The following HPSE2 variants were observed in gnomAD, a reference collection of about 807,000 sequenced individuals.
HPSE2 encodes heparanase 2 (inactive).
HPSE2 carries 38 observed loss-of-function variants against 60.5 expected under a neutral mutation model. The observed-to-expected ratio is 0.63, with a 90% CI of 0.48 to 0.82. The LOEUF is 0.82. Ranked by LOEUF, HPSE2 falls within the 40% of genes least tolerant of loss-of-function variation. The probability of loss-of-function intolerance (pLI) is 0.00; values close to 1 mark genes in which losing one functional copy is unlikely to be tolerated. For synonymous variants in HPSE2, 295 were observed against 293.2 expected (o/e 1.01, Z -0.06); for missense variants, 713 against 740.4 (o/e 0.96, Z 0.43).
chr10:98,466,839 C>T (rs1940556412), intron 11 of HPSE2, among the ~76,000 whole-genome samples: 1 of 152,134 alleles, frequency 6.6e-6, no homozygotes, highest in South Asian at 2.1e-4. Context: ...AAACAGAAAT[C>T]TGACCATGAT....
At chr10:98,518,493 G>A (rs1942675260) in intron 9 of HPSE2, among the ~76,000 whole-genome samples, 1 of 152,022 alleles carries the variant, frequency 6.6e-6, no homozygotes, top group Non-Finnish European at 1.5e-5. Flanking sequence ...ATCACTTGAG[G>A]TCAGGAATTC....
rs190974270 is a variant in HPSE2, at chr10:98,543,232, T to A, written c.1321-53036A>T. ...AATTTCATATCCAGCCAAACTAAGC[T>A]TCATAAGTGAAGGAGAAATAAAATA... is the stretch of plus-strand genomic sequence containing the variant. On this transcript the variant is annotated intron_variant, in intron 9 of 11. Coordinates refer to ENST00000370552, the MANE Select transcript of HPSE2 (RefSeq NM_021828.5). Among the ~76,000 whole-genome samples the A allele has an allele frequency of 4.4e-3, 663 of 152,102 alleles. 8 individuals carry two copies. The highest frequency in any genetic ancestry group is 0.015 in the African/African-American group (637 of 41,482).
intron 3 of HPSE2, among the ~76,000 whole-genome samples, chr10:98,822,092 T>C (rs1951438654): frequency 6.6e-6 from 1 of 152,192 alleles, no homozygotes; most frequent in African/African-American, 2.4e-5. Context: ...CAAAATGACA[T>C]ATCAGATGAC....
At chr10:98,985,297 C>G (rs1237834468) in intron 3 of HPSE2, among the ~76,000 whole-genome samples, 3 of 152,184 alleles carry the variant, frequency 2.0e-5, no homozygotes, top group African/African-American at 4.8e-5. Flanking sequence ...GATCTCTTGG[C>G]AGAAACTCTA....
Position 98,482,632 on chromosome 10 carries a change from G to A in HPSE2, c.1613+4C>T, listed in dbSNP as rs368960562. ...TCCCGAGCTATTTTCAGGTTGGCACGTACTTGGACTTTAGGCCCTCCTGCC... is the reference window on the plus strand; with the variant it reads ...TCCCGAGCTATTTTCAGGTTGGCACATACTTGGACTTTAGGCCCTCCTGCC... On this transcript the variant is annotated splice_donor_region_variant and intron_variant, in intron 11 of 11. Coordinates refer to ENST00000370552, the MANE Select transcript of HPSE2 (RefSeq NM_021828.5). The A allele has an allele frequency of 5.0e-5, 80 of 1,613,962 alleles. No individual in the cohort carries two copies. Among genetic ancestry groups the A allele is most frequent in the South Asian group, 8.8e-5 (8 of 91,078 alleles).
At chr10:99,106,829 C>T (rs1844267525) in intron 3 of HPSE2, among the ~76,000 whole-genome samples, 1 of 152,076 alleles carries the variant, frequency 6.6e-6, no homozygotes, top group African/African-American at 2.4e-5. Context: ...AGTTAGCATT[C>T]TAGTCCTGCT....
At chr10:98,966,770 CAA>C (rs1387194403) in intron 3 of HPSE2, among the ~76,000 whole-genome samples, 1 of 152,138 alleles carries the variant, frequency 6.6e-6, no homozygotes, top group Non-Finnish European at 1.5e-5. Flanking sequence ...AAAATAGCTA[CAA>C]GAGAGAACTT....
At chr10:98,765,213 C>G (rs890715686) in intron 3 of HPSE2, among the ~76,000 whole-genome samples, 1 of 152,154 alleles carries the variant, frequency 6.6e-6, no homozygotes, top group African/African-American at 2.4e-5. Flanking sequence ...AAAGTACATT[C>G]TTTAGCAGTG....
At chr10:99,083,223 A>G (rs1278245473) in intron 3 of HPSE2, among the ~76,000 whole-genome samples, 1 of 152,208 alleles carries the variant, frequency 6.6e-6, no homozygotes, top group East Asian at 1.9e-4. Flanking sequence ...TACTAGCAGG[A>G]GGTCTTTAGA....
At position 99,048,176 on chromosome 10, in the gene HPSE2, G is replaced by T. The variant is rs9633708; in HGVS notation, c.610+96062C>A. 8.8e-6 allele frequency: 6 copies of T among 680,912 alleles called. No individual in the cohort carries two copies. The South Asian group carries it at 9.2e-5, about 10-fold the overall frequency. The allele number at this position is 680,912 out of a possible 1,614,324, so 42.2% of individuals were successfully genotyped here. ...TAACCCTTTGATTGCTTGATCTCTCGGTAAATATGGCATCATCTGCACGGA... is the reference window on the plus strand; with the variant it reads ...TAACCCTTTGATTGCTTGATCTCTCTGTAAATATGGCATCATCTGCACGGA... On this transcript the variant is annotated intron_variant, in intron 3 of 11. Coordinates refer to ENST00000370552, the MANE Select transcript of HPSE2 (RefSeq NM_021828.5).
At chr10:98,685,722 T>A (rs2134148387) in intron 6 of HPSE2, among the ~76,000 whole-genome samples, 1 of 152,078 alleles carries the variant, frequency 6.6e-6, no homozygotes, top group East Asian at 1.9e-4. Flanking sequence ...CTTGTAAAAG[T>A]TTTTTTTGGT....
chr10:98,795,019 A>AAGGAAGGAAGGAAG (rs1554996928), intron 3 of HPSE2, among the ~76,000 whole-genome samples: 7 of 56,150 alleles, frequency 1.2e-4, no homozygotes, highest in Admixed American at 1.9e-4. Context: ...AGAGAGAGAG[A>AAGGAAGGAAGGAAG]GAAGGAAGGA....
At chr10:98,497,314 C>T (rs1941877634) in intron 9 of HPSE2, among the ~76,000 whole-genome samples, 1 of 152,070 alleles carries the variant, frequency 6.6e-6, no homozygotes, top group African/African-American at 2.4e-5. Flanking sequence ...ATTTGCTGTA[C>T]ATCATTTCAC....
chr10:98,692,405 G>T (rs182738201), intron 6 of HPSE2, among the ~76,000 whole-genome samples: 14 of 152,140 alleles, frequency 9.2e-5, no homozygotes, highest in Non-Finnish European at 1.9e-4. Flanking sequence ...AAGTGCAAAG[G>T]AGAGACATTG....
chr10:98,754,290 T>C (rs1004704928), intron 3 of HPSE2, among the ~76,000 whole-genome samples: 1 of 151,970 alleles, frequency 6.6e-6, no homozygotes, highest in Non-Finnish European at 1.5e-5. Flanking sequence ...TTGAATCAAG[T>C]CAATCAGACA....
At chr10:98,839,180 C>T (rs966172008) in intron 3 of HPSE2, among the ~76,000 whole-genome samples, 9 of 152,114 alleles carry the variant, frequency 5.9e-5, no homozygotes, top group African/African-American at 1.2e-4. Context: ...TACAGCCATG[C>T]AACACTAAGG....
the HPSE2 span, among the ~76,000 whole-genome samples, chr10:99,262,063 A>G: frequency 6.6e-6 from 1 of 152,178 alleles, no homozygotes; most frequent in Admixed American, 6.5e-5. Context: ...GTGGCTGAAG[A>G]CTCACACTGC....
intron 3 of HPSE2, among the ~76,000 whole-genome samples, chr10:99,054,441 A>C (rs1302845673): frequency 6.6e-6 from 1 of 152,032 alleles, no homozygotes; most frequent in East Asian, 1.9e-4. Flanking sequence ...ATCTCCCCTA[A>C]ATCCACACTA....
chr10:98,808,790 T>G (rs185695781), intron 3 of HPSE2, among the ~76,000 whole-genome samples: 2 of 152,250 alleles, frequency 1.3e-5, no homozygotes, highest in Non-Finnish European at 2.9e-5. Context: ...ATTATTACAT[T>G]TAGAGTGCCC....
Sources: gnomAD v4.1 joint callset for allele counts (sites outside exome capture counted in the v4.1 genomes callset) on GRCh38, gnomAD v4.1.1 for gene constraint, MANE v1.5 for transcripts, NCBI Gene and HGNC (gene_info 2026-07-23, HGNC 2026-07-21) for gene names.